SLC9A8: variants seen among roughly 807,000 people sequenced by gnomAD.
The protein encoded by SLC9A8 is solute carrier family 9 member A8, also known as sodium/hydrogen exchanger 8.
Under a neutral mutation model 66.6 loss-of-function variants are expected in SLC9A8, and 48 were observed. The ratio of observed to expected loss-of-function variants is 0.72; its 90% confidence interval spans 0.57 to 0.92. The LOEUF (loss-of-function observed/expected upper bound fraction) is 0.92. SLC9A8 is among the 40% of genes least tolerant of loss of function. The pLI is 0.00. For synonymous variants in SLC9A8, 274 were observed against 282.6 expected, an observed-to-expected ratio of 0.97 and a Z score of 0.31; for missense variants, 599 against 747.3, an observed-to-expected ratio of 0.80 and a Z score of 2.31.
chr20:49,839,653 G>T (rs2087684038), intron 4 of SLC9A8, 54 bp downstream of exon 4: 1 of 1,155,942 alleles, frequency 8.7e-7, no homozygotes, highest in Non-Finnish European at 1.3e-6. Context: ...CATTATGCTG[G>T]CTTTTTTGTA....
At position 49,855,521 on chromosome 20, in the gene SLC9A8, T is replaced by A; in HGVS notation, c.653T>A (p.Leu218His). The A allele has an allele frequency of 1.9e-6, 3 of 1,614,240 alleles. No individual in the cohort carries two copies. The highest frequency in any genetic ancestry group is 2.5e-6 in the Non-Finnish European group (3 of 1,180,042). ...IFNALHVDPVLNMLVFGESIL... is the reference protein window; with the variant it reads ...IFNALHVDPVHNMLVFGESIL... ...AATGCACTTCATGTGGACCCCGTGC[T>A]CAACATGCTGGTCTTTGGAGAAAGT... is the stretch of plus-strand genomic sequence containing the variant. Residue 218 changes from leucine (L) to histidine (H), a missense_variant, in exon 8 of 16, where the codon CTC (leucine) becomes CAC (histidine). Coordinates refer to ENST00000361573, the MANE Select transcript of SLC9A8 (RefSeq NM_015266.3).
intron 14 of SLC9A8, among the ~76,000 whole-genome samples, chr20:49,884,336 A>ACACACACACCC (rs1568884621): frequency 9.2e-6 from 1 of 108,478 alleles, no homozygotes; most frequent in Non-Finnish European, 1.9e-5. Context: ...ACACACACAC[A>ACACACACACCC]CCCCCCGGTC....
rs1338048094 is a variant in SLC9A8 at position 49,890,186 on chromosome 20, G to A, written c.*2250G>A. 6.6e-6 allele frequency: 1 copy of A among 152,220 alleles called. No homozygotes were observed. Among genetic ancestry groups the A allele is most frequent in the African/African-American group, 2.4e-5 (1 of 41,438 alleles). 9.4% of individuals were successfully genotyped at this position (152,220 alleles called of 1,614,324 possible). Reference sequence around the variant, plus strand: ...GTCGGCCAGGTGAGGTCAGCAGCCTGGGAGAGTGCCCCCAAGAGATGAGGG... The same window carrying A: ...GTCGGCCAGGTGAGGTCAGCAGCCTAGGAGAGTGCCCCCAAGAGATGAGGG... On this transcript the variant is annotated 3_prime_UTR_variant, in exon 16 of 16. Coordinates refer to ENST00000361573, the MANE Select transcript of SLC9A8 (RefSeq NM_015266.3).
At chr20:49,878,094 A>G in intron 12 of SLC9A8, 31 bp downstream of exon 12, 1 of 1,368,154 alleles carries the variant, frequency 7.3e-7, no homozygotes, top group Non-Finnish European at 1.0e-6. Context: ...TTTTAAATTT[A>G]ATTACTTATT....
At chr20:49,828,782 T>A (rs1365502056) in intron 3 of SLC9A8, among the ~76,000 whole-genome samples, 1 of 151,610 alleles carries the variant, frequency 6.6e-6, no homozygotes, top group Non-Finnish European at 1.5e-5. Flanking sequence ...GAGGTTGCAG[T>A]GAGCCAAGAT....
At chr20:49,834,078 G>A (rs2087322910) in intron 3 of SLC9A8, among the ~76,000 whole-genome samples, 1 of 147,208 alleles carries the variant, frequency 6.8e-6, no homozygotes, top group Non-Finnish European at 1.5e-5. Flanking sequence ...GTGAAACTCT[G>A]TCTCTGCTAA....
At chr20:49,865,113 C>A (rs1362810945) in intron 10 of SLC9A8, among the ~76,000 whole-genome samples, 1 of 152,202 alleles carries the variant, frequency 6.6e-6, no homozygotes, top group South Asian at 2.1e-4. Context: ...CTGTGAGGCT[C>A]CCTCAGAGGA....
At chr20:49,851,029 T>C (rs1262655414) in intron 7 of SLC9A8, among the ~76,000 whole-genome samples, 185 bp downstream of exon 7, 1 of 152,234 alleles carries the variant, frequency 6.6e-6, no homozygotes, top group African/African-American at 2.4e-5. Context: ...AAAAGTATCC[T>C]AAAGACTTTT....
chr20:49,876,945 C>G (rs1430720943), intron 11 of SLC9A8, among the ~76,000 whole-genome samples: 1 of 152,082 alleles, frequency 6.6e-6, no homozygotes, highest in Non-Finnish European at 1.5e-5. Flanking sequence ...AAAGGAAAAA[C>G]ATTGTTAGAA....
intron 14 of SLC9A8, among the ~76,000 whole-genome samples, chr20:49,884,334 A>ACACACACACACC: frequency 8.0e-6 from 1 of 124,376 alleles, no homozygotes; most frequent in Non-Finnish European, 1.7e-5. Flanking sequence ...ACACACACAC[A>ACACACACACACC]CACCCCCCGG....
chr20:49,835,961 T>C (rs6122835), intron 3 of SLC9A8, among the ~76,000 whole-genome samples: 102,147 of 151,928 alleles, frequency 0.67, 35,630 homozygotes, highest in African/African-American at 0.86. Flanking sequence ...TGAGCCACCA[T>C]GCCCAGCCAA....
intron 3 of SLC9A8, among the ~76,000 whole-genome samples, chr20:49,823,489 T>C (rs2086814619): frequency 6.6e-6 from 1 of 152,196 alleles, no homozygotes; most frequent in Middle Eastern, 3.2e-3. Flanking sequence ...AGGTAAGTAA[T>C]GACACTTCAT....
At chr20:49,883,497 G>T (rs2089708413) in intron 13 of SLC9A8, among the ~76,000 whole-genome samples, 1 of 152,168 alleles carries the variant, frequency 6.6e-6, no homozygotes, top group Admixed American at 6.5e-5. Context: ...ACCTGCCCAG[G>T]CCTGGCGCAC....
intron 4 of SLC9A8, among the ~76,000 whole-genome samples, chr20:49,844,758 C>G (rs530912592): frequency 6.6e-6 from 1 of 151,604 alleles, no homozygotes; most frequent in South Asian, 2.1e-4. Context: ...TGTGATTGCA[C>G]CACTGCACTT....
intron 14 of SLC9A8, among the ~76,000 whole-genome samples, chr20:49,884,307 C>CG (rs1418271161): frequency 7.2e-6 from 1 of 139,576 alleles, no homozygotes. Context: ...CACACACACA[C>CG]ACACACACAC....
At chr20:49,834,518 A>G (rs1453702179) in intron 3 of SLC9A8, among the ~76,000 whole-genome samples, 3 of 144,784 alleles carry the variant, frequency 2.1e-5, no homozygotes, top group African/African-American at 7.6e-5. Flanking sequence ...TATATATGCC[A>G]TATATAATAT....
intron 10 of SLC9A8, among the ~76,000 whole-genome samples, chr20:49,866,613 T>G (rs995829052): frequency 6.6e-6 from 1 of 152,202 alleles, no homozygotes; most frequent in Non-Finnish European, 1.5e-5. Flanking sequence ...ATATTCGCCT[T>G]GGGTTCATTG....
chr20:49,875,055 G>A (rs2089372257), intron 11 of SLC9A8, among the ~76,000 whole-genome samples: 1 of 152,100 alleles, frequency 6.6e-6, no homozygotes, highest in Admixed American at 6.6e-5. Flanking sequence ...ACCAAAAATA[G>A]TGAGAACCAA....
chr20:49,833,474 C>T (rs535507541), intron 3 of SLC9A8, among the ~76,000 whole-genome samples: 2 of 152,224 alleles, frequency 1.3e-5, no homozygotes, highest in South Asian at 2.1e-4. Flanking sequence ...AAAATTAATA[C>T]ATTTGAAACA....
Sources: allele counts gnomAD v4.1 joint callset (sites outside exome capture counted in the v4.1 genomes callset), GRCh38; gene constraint gnomAD v4.1.1; transcripts MANE v1.5; gene names NCBI Gene and HGNC (gene_info 2026-07-23, HGNC 2026-07-21).